ARHGEF26: variants seen among roughly 807,000 people sequenced by gnomAD.
ARHGEF26 encodes Rho guanine nucleotide exchange factor (GEF) 26.
A neutral mutation model predicts 89.4 loss-of-function variants in ARHGEF26; 59 were observed. That is an observed-to-expected ratio of 0.66 (90% confidence interval 0.54 to 0.82). ARHGEF26 has a LOEUF of 0.82. ARHGEF26 is among the 40% of genes least tolerant of loss of function. The pLI is 0.00. For missense variants in ARHGEF26, 1,234 were observed against 1,085.6 expected (o/e 1.14, Z -1.92); for synonymous variants, 500 against 428.4 (o/e 1.17, Z -2.06).
rs1398521520 is a variant in ARHGEF26, at chr3:154,129,573, G to GA, written c.1127dup (p.Asn376LysfsTer14). On this transcript the variant is annotated frameshift_variant and splice_region_variant. Coordinates refer to ENST00000465093, the MANE Select transcript of ARHGEF26 (RefSeq NM_015595.4). LOFTEE classifies it high-confidence loss of function. ...GACACATAGGCCTTGTTTTCTTGCA[G>GA]AAAATGCTGTCCTGTATCAAAACTA... is the stretch of plus-strand genomic sequence containing the variant. 1 of 1,610,526 alleles carries GA rather than the reference G, an allele frequency of 6.2e-7. No individual in the cohort carries two copies. The highest frequency in any genetic ancestry group is 8.5e-7 in the Non-Finnish European group (1 of 1,178,336).
intron 8 of ARHGEF26, among the ~76,000 whole-genome samples, chr3:154,193,903 C>T (rs1464527452): frequency 3.3e-5 from 5 of 151,280 alleles, no homozygotes; most frequent in South Asian, 2.1e-4. Context: ...GGTGCGATCT[C>T]GGCTCGCTGC....
chr3:154,245,510 T>C (rs1717751883), intron 12 of ARHGEF26, among the ~76,000 whole-genome samples: 1 of 152,242 alleles, frequency 6.6e-6, no homozygotes, highest in South Asian at 2.1e-4. Flanking sequence ...CTTCCTGGAA[T>C]GCCCTCTTCA....
chr3:154,192,694 C>G (rs552327772), intron 8 of ARHGEF26, among the ~76,000 whole-genome samples: 1 of 152,194 alleles, frequency 6.6e-6, no homozygotes, highest in East Asian at 1.9e-4. Context: ...AACTTTGGTC[C>G]ATATAAGGAA....
intron 6 of ARHGEF26, among the ~76,000 whole-genome samples, chr3:154,172,787 TTTC>T (rs1387887373): frequency 6.6e-6 from 1 of 152,192 alleles, no homozygotes; most frequent in Admixed American, 6.5e-5. Context: ...CCTCAATATG[TTTC>T]TTCTTATAAA....
chr3:154,188,307 C>A (rs965754304), intron 7 of ARHGEF26, among the ~76,000 whole-genome samples: 2 of 152,170 alleles, frequency 1.3e-5, no homozygotes, highest in African/African-American at 2.4e-5. Flanking sequence ...TTATTCCCCC[C>A]ACTTGGGTAG....
Position 154,197,283 on chromosome 3 carries a change from A to G in ARHGEF26, c.1845+2565A>G, listed in dbSNP as rs565248097. Reference sequence around the variant, plus strand: ...AAATCGTTGATATAGTCAGCTCAATAATTAATCTTCTTTTTTATTTGTAAA... The same window carrying G: ...AAATCGTTGATATAGTCAGCTCAATGATTAATCTTCTTTTTTATTTGTAAA... On this transcript the variant is annotated intron_variant, in intron 9 of 14. Coordinates refer to ENST00000465093, the MANE Select transcript of ARHGEF26 (RefSeq NM_015595.4). Among the ~76,000 whole-genome samples, 28 of 152,310 alleles carry G rather than the reference A, an allele frequency of 1.8e-4. No individual in the cohort carries two copies. The Middle Eastern group carries it at 0.02, about 111-fold the overall frequency.
In ARHGEF26 at chr3:154,256,145, TAAG is replaced by T. The variant is rs1718490913; in HGVS notation, c.*673_*675del. 1.0e-6 allele frequency: 1 copy of T among 985,360 alleles called. No homozygotes were observed. The highest frequency in any genetic ancestry group is 1.2e-6 in the Non-Finnish European group (1 of 829,608). 61.0% of individuals were successfully genotyped at this position (985,360 alleles called of 1,614,324 possible). On this transcript the variant is annotated 3_prime_UTR_variant, in exon 15 of 15. Transcript: ENST00000465093. ...CATCTCACCCCATATTGTTCTTAAATAAGTATAGACTAATTAACCTAAGCTACC... is the reference window on the plus strand; with the variant it reads ...CATCTCACCCCATATTGTTCTTAAATTATAGACTAATTAACCTAAGCTACC...
At chr3:154,163,095 C>T (rs1405844482) in intron 6 of ARHGEF26, among the ~76,000 whole-genome samples, 1 of 152,148 alleles carries the variant, frequency 6.6e-6, no homozygotes, top group Non-Finnish European at 1.5e-5. Context: ...ACTTCTCTTT[C>T]TTAAATGTAT....
intron 12 of ARHGEF26, among the ~76,000 whole-genome samples, chr3:154,248,530 T>A (rs1717931083): frequency 6.6e-6 from 1 of 152,180 alleles, no homozygotes; most frequent in Non-Finnish European, 1.5e-5. Context: ...ATCTAAATTC[T>A]AAGTCCAGTC....
intron 3 of ARHGEF26, among the ~76,000 whole-genome samples, chr3:154,124,651 A>C (rs1718220258): frequency 6.6e-6 from 1 of 152,128 alleles, no homozygotes; most frequent in South Asian, 2.1e-4. Context: ...GGCATTTTTT[A>C]TAGGCTGATA....
chr3:154,185,033 C>T (rs942338945), intron 6 of ARHGEF26, among the ~76,000 whole-genome samples: 2 of 152,130 alleles, frequency 1.3e-5, no homozygotes, highest in African/African-American at 2.4e-5. Flanking sequence ...TGTCATCCTT[C>T]GCACTGATAA....
At chr3:154,246,945 TAGTTG>T (rs1717833700) in intron 12 of ARHGEF26, among the ~76,000 whole-genome samples, 2 of 152,176 alleles carry the variant, frequency 1.3e-5, no homozygotes, top group African/African-American at 4.8e-5. Flanking sequence ...AGTTGTTAGC[TAGTTG>T]AGTTGTTTCT....
At chr3:154,222,930 A>G (rs1716228074) in intron 10 of ARHGEF26, among the ~76,000 whole-genome samples, 1 of 152,132 alleles carries the variant, frequency 6.6e-6, no homozygotes, top group Non-Finnish European at 1.5e-5. Flanking sequence ...AGATGGGAGG[A>G]AAGAAAATGA....
chr3:154,177,794 C>T (rs1274604635), intron 6 of ARHGEF26, among the ~76,000 whole-genome samples: 1 of 152,150 alleles, frequency 6.6e-6, no homozygotes, highest in East Asian at 1.9e-4. Flanking sequence ...GGATGAAACA[C>T]ATACAAAATC....
chr3:154,175,099 A>G (rs915564127), intron 6 of ARHGEF26, among the ~76,000 whole-genome samples: 2 of 152,206 alleles, frequency 1.3e-5, no homozygotes, highest in African/African-American at 4.8e-5. Flanking sequence ...ATTCTGTGTC[A>G]TAAGACTAGA....
rs780991477 is a variant in ARHGEF26 at position 154,122,911 on chromosome 3, T to G, written c.919T>G (p.Ser307Ala). Residue 307 changes from serine to alanine, a missense_variant, in exon 2 of 15, where the codon TCT (serine) becomes GCT (alanine). Transcript: ENST00000465093. The part of the protein sequence containing the change: ...EVDNDVDSPG[S>A]LRRGLRSTSY... ...CGATAACGACGTGGATAGCCCAGGG[T>G]CTCTGCGGAGAGGCTTGCGGTCCAC... 1 of 1,613,334 alleles carries G rather than the reference T, an allele frequency of 6.2e-7. No individual in the cohort carries two copies. The highest frequency in any genetic ancestry group is 8.5e-7 in the Non-Finnish European group (1 of 1,179,662).
intron 4 of ARHGEF26, 75 bp from the exon 5 acceptor site, chr3:154,149,314 T>A: frequency 1.7e-6 from 2 of 1,188,916 alleles, no homozygotes; most frequent in Non-Finnish European, 1.2e-6. Context: ...GGCATAGAGT[T>A]ATGCCTTGAA....
intron 6 of ARHGEF26, among the ~76,000 whole-genome samples, chr3:154,158,078 G>A (rs1025514584): frequency 2.6e-5 from 4 of 152,060 alleles, no homozygotes; most frequent in African/African-American, 7.2e-5. Flanking sequence ...TAGTAGGTGG[G>A]GGCCAGGGTG....
At chr3:154,206,011 T>G (rs1239200077) in intron 9 of ARHGEF26, among the ~76,000 whole-genome samples, 1 of 152,200 alleles carries the variant, frequency 6.6e-6, no homozygotes, top group African/African-American at 2.4e-5. Flanking sequence ...TACTTATTAT[T>G]GATTAATATC....
Sources: gnomAD v4.1 joint callset for allele counts (sites outside exome capture counted in the v4.1 genomes callset) on GRCh38, gnomAD v4.1.1 for gene constraint, MANE v1.5 for transcripts, NCBI Gene and HGNC (gene_info 2026-07-23, HGNC 2026-07-21) for gene names.